ANKRD50: variants seen among roughly 807,000 people sequenced by gnomAD.
ANKRD50 encodes the protein ankyrin repeat domain-containing protein 50.
In ANKRD50, 40 loss-of-function variants were observed where a neutral mutation model predicts 112.0. That is an observed-to-expected ratio of 0.36 (90% CI 0.28 to 0.46). The LOEUF (loss-of-function observed/expected upper bound fraction) is 0.46. Among genes scored for constraint, ANKRD50 ranks in the 20% least tolerant of loss-of-function variants. The pLI, the probability that ANKRD50 is intolerant of heterozygous loss-of-function variation, is 1.00. For synonymous variants in ANKRD50, 613 were observed against 619.1 expected (o/e 0.99, Z 0.15); for missense variants, 1,487 against 1,701.7 (o/e 0.87, Z 2.22).
Position 124,709,981 on chromosome 4 carries a change from A to G in ANKRD50, c.512+19T>C. On this transcript the variant is annotated intron_variant, in intron 2 of 4. Coordinates refer to ENST00000504087, the MANE Select transcript of ANKRD50 (RefSeq NM_020337.3). ...ATTTCAGCATAGAAATCTGAACACC[A>G]TGACATTTTTATTGTTACCTTTTAA... 1 of 1,587,168 alleles carries G rather than the reference A, an allele frequency of 6.3e-7. No individual in the cohort carries two copies. The highest frequency in any genetic ancestry group is 1.1e-5 in the South Asian group (1 of 88,370).
intron 2 of ANKRD50, among the ~76,000 whole-genome samples, chr4:124,702,177 T>A (rs1396431489): frequency 6.6e-6 from 1 of 152,180 alleles, no homozygotes. Flanking sequence ...ATTAAAAGTT[T>A]CCAAAGCTAA....
At chr4:124,701,551 T>C (rs1578592706) in intron 2 of ANKRD50, among the ~76,000 whole-genome samples, 1 of 139,956 alleles carries the variant, frequency 7.1e-6, no homozygotes, top group Non-Finnish European at 1.5e-5. Context: ...AAAATGGCAT[T>C]AGAAATATTT....
At chr4:124,700,937 A>G (rs1377227722) in intron 2 of ANKRD50, among the ~76,000 whole-genome samples, 1 of 152,192 alleles carries the variant, frequency 6.6e-6, no homozygotes, top group Admixed American at 6.5e-5. Flanking sequence ...TTAATGGCTG[A>G]GCCAGAATTA....
At chr4:124,676,533 G>A (rs185872416) in intron 3 of ANKRD50, among the ~76,000 whole-genome samples, 1 of 151,392 alleles carries the variant, frequency 6.6e-6, no homozygotes, top group East Asian at 1.9e-4. Flanking sequence ...CAAACTTAAT[G>A]TATGATGAAA....
Position 124,710,966 on chromosome 4 carries a change from G to A in ANKRD50, c.-455C>T, listed in dbSNP as rs772756501. 28 of 412,614 alleles carry A rather than the reference G, an allele frequency of 6.8e-5. No individual in the cohort carries two copies. Among genetic ancestry groups the A allele is most frequent in the Non-Finnish European group, 1.2e-4 (28 of 233,022 alleles). 25.6% of individuals were successfully genotyped at this position (412,614 alleles called of 1,614,324 possible). A position where few individuals can be genotyped will look rare whatever the true frequency, so the allele number is the denominator to read the frequency against. ...ATTAGATTCTGAAAAGAGGTCCACT[G>A]CATTAAATGGCATCAGAGAGATTAC... On this transcript the variant is annotated 5_prime_UTR_variant, in exon 2 of 5. The change creates a premature stop within an existing upstream ORF in the 5' untranslated region. Coordinates refer to ENST00000504087, the MANE Select transcript of ANKRD50 (RefSeq NM_020337.3).
intron 2 of ANKRD50, among the ~76,000 whole-genome samples, chr4:124,694,838 G>A (rs1424656186): frequency 2.0e-5 from 3 of 152,032 alleles, no homozygotes; most frequent in South Asian, 2.1e-4. Context: ...AACAATTAGA[G>A]CAGGAAGAAC....
intron 3 of ANKRD50, among the ~76,000 whole-genome samples, chr4:124,674,083 C>A (rs554672329): frequency 1.2e-3 from 188 of 151,882 alleles, no homozygotes; most frequent in Middle Eastern, 6.8e-3. Flanking sequence ...TCTGTGTGTC[C>A]ATTTGCTTTT....
At chr4:124,690,337 C>G (rs138653296) in intron 2 of ANKRD50, among the ~76,000 whole-genome samples, 1 of 152,312 alleles carries the variant, frequency 6.6e-6, no homozygotes, top group East Asian at 1.9e-4. Flanking sequence ...ACAATTACCT[C>G]ATTTCCTATA....
intron 2 of ANKRD50, among the ~76,000 whole-genome samples, chr4:124,701,728 T>C (rs572411371): frequency 5.6e-4 from 85 of 151,964 alleles, no homozygotes; most frequent in African/African-American, 2.0e-3. Flanking sequence ...GGTCTCACTG[T>C]GTTGCCAGGC....
rs754006083 is a variant in ANKRD50 at position 124,665,875 on chromosome 4, AC to A, written c.*1642del. 1.3e-5 allele frequency: 2 copies of A among 152,512 alleles called. No homozygotes were observed. Among genetic ancestry groups the A allele is most frequent in the Non-Finnish European group, 2.9e-5 (2 of 67,922 alleles). The allele number at this position is 152,512 out of a possible 1,614,324, so 9.4% of individuals were successfully genotyped here. A position where few individuals can be genotyped will look rare whatever the true frequency, so the allele number is the denominator to read the frequency against. Reference sequence around the variant, plus strand: ...AGCCTTACAATAAGATTCAAGTGAAACATTTATCATAATTATACATTTCTAT... The same window carrying A: ...AGCCTTACAATAAGATTCAAGTGAAAATTTATCATAATTATACATTTCTAT... On this transcript the variant is annotated 3_prime_UTR_variant, in exon 5 of 5. Coordinates refer to ENST00000504087, the MANE Select transcript of ANKRD50 (RefSeq NM_020337.3).
At chr4:124,702,958 T>C (rs568361813) in intron 2 of ANKRD50, among the ~76,000 whole-genome samples, 23 of 152,174 alleles carry the variant, frequency 1.5e-4, no homozygotes, top group African/African-American at 5.5e-4. Flanking sequence ...AGTGAAAGGA[T>C]ACATATTGAT....
chr4:124,668,886 T>A (rs917920421), intron 4 of ANKRD50, 98 bp downstream of exon 4: 2 of 1,115,770 alleles, frequency 1.8e-6, no homozygotes, highest in Admixed American at 2.8e-5. Context: ...TGAGTAGAGA[T>A]TAACTGAGGG....
intron 2 of ANKRD50, among the ~76,000 whole-genome samples, chr4:124,688,875 T>A (rs1725067703): frequency 6.6e-6 from 1 of 152,160 alleles, no homozygotes; most frequent in East Asian, 1.9e-4. Flanking sequence ...TTTAAACAGA[T>A]CCTCCCTTTG....
chr4:124,711,438 C>T (rs1363824487), intron 1 of ANKRD50, among the ~76,000 whole-genome samples, 164 bp from the exon 2 acceptor site: 4 of 152,210 alleles, frequency 2.6e-5, no homozygotes, highest in Non-Finnish European at 4.4e-5. Context: ...GAAATAATCA[C>T]ATTCTCCCTT....
intron 2 of ANKRD50, among the ~76,000 whole-genome samples, chr4:124,681,366 A>C (rs548376424): frequency 1.2e-4 from 18 of 152,216 alleles, no homozygotes; most frequent in Admixed American, 7.2e-4. Context: ...GTGGTAAGAA[A>C]GGGATTCAAG....
At chr4:124,702,735 G>A (rs886307126) in intron 2 of ANKRD50, among the ~76,000 whole-genome samples, 2 of 152,094 alleles carry the variant, frequency 1.3e-5, no homozygotes, top group African/African-American at 4.8e-5. Flanking sequence ...TCAAAGGTGT[G>A]TTCTAAACAT....
chr4:124,669,855 G>A lies in ANKRD50; in HGVS notation c.3422C>T (p.Thr1141Ile). 6.2e-7 allele frequency: 1 copy of A among 1,612,802 alleles called. No individual in the cohort carries two copies. Among genetic ancestry groups the A allele is most frequent in the Non-Finnish European group, 8.5e-7 (1 of 1,179,640 alleles). Reference protein sequence around the residue: ...LTIKSNSSGSTGGGDMQPSLR... With the variant: ...LTIKSNSSGSIGGGDMQPSLR... The stretch of plus-strand genomic sequence containing the variant: ...CGAAGGCTGCATATCCCCTCCACCA[G>A]TACTACCAGAGCTATTTGATTTAAT... The change falls in exon 4 of 5, where the codon ACT (threonine) becomes ATT (isoleucine). Residue 1141 changes from threonine to isoleucine, a missense_variant. By Grantham distance (89) the Thr-to-Ile change is moderately conservative. Coordinates refer to ENST00000504087, the MANE Select transcript of ANKRD50 (RefSeq NM_020337.3).
rs368365841 is a variant in ANKRD50 at position 124,666,333 on chromosome 4, AT to A, written c.*1184del. ...TACAAAGAAGAAAACAGGAAAGAGT[AT>A]GAGGATAGAAAAGTGCAAATCCATC... is the stretch of plus-strand genomic sequence containing the variant. On this transcript the variant is annotated 3_prime_UTR_variant, in exon 5 of 5. Coordinates refer to ENST00000504087, the MANE Select transcript of ANKRD50 (RefSeq NM_020337.3). The A allele has an allele frequency of 1.0e-3, 157 of 152,598 alleles. No homozygotes were observed. Among genetic ancestry groups the A allele is most frequent in the African/African-American group, 3.7e-3 (153 of 41,550 alleles). The allele number at this position is 152,598 out of a possible 1,614,324, so 9.5% of individuals were successfully genotyped here. A position where few individuals can be genotyped will look rare whatever the true frequency, so the allele number is the denominator to read the frequency against.
intron 4 of ANKRD50, among the ~76,000 whole-genome samples, chr4:124,667,837 T>C (rs115509014): frequency 0.019 from 2,937 of 152,110 alleles, 45 homozygotes; most frequent in Middle Eastern, 0.048. Flanking sequence ...TTAAGTACTT[T>C]ATTCAAATTA....
Sources: allele counts gnomAD v4.1 joint callset (sites outside exome capture counted in the v4.1 genomes callset), GRCh38; gene constraint gnomAD v4.1.1; transcripts MANE v1.5; gene names NCBI Gene and HGNC (gene_info 2026-07-23, HGNC 2026-07-21).